Variants in DENND1B observed in about 807,000 individuals in gnomAD.
DENND1B encodes DENN domain containing 1B.
In DENND1B, 59 loss-of-function variants were observed where a neutral mutation model predicts 90.1. The observed-to-expected ratio is 0.65, with a 90% CI of 0.53 to 0.81. The LOEUF is 0.81. Among genes scored for constraint, DENND1B ranks in the 40% least tolerant of loss-of-function variants. The pLI is 0.00. For missense variants in DENND1B, 862 were observed against 912.6 expected, an observed-to-expected ratio of 0.94 and a Z score of 0.71; for synonymous variants, 337 against 324.6, an observed-to-expected ratio of 1.04 and a Z score of -0.41.
At chr1:197,672,411 A>G (rs919083169) in intron 4 of DENND1B, among the ~76,000 whole-genome samples, 2 of 152,110 alleles carry the variant, frequency 1.3e-5, no homozygotes, top group African/African-American at 2.4e-5. Flanking sequence ...AAGGTAGTCT[A>G]CCATAAATGA....
At chr1:197,545,855 T>G (rs1571824059) in intron 18 of DENND1B, 67 bp downstream of exon 18, 1 of 1,299,220 alleles carries the variant, frequency 7.7e-7, no homozygotes, top group Non-Finnish European at 1.1e-6. Flanking sequence ...AGAATTTATA[T>G]GTCTATCACC....
At chr1:197,542,917 T>A (rs960523546) in intron 18 of DENND1B, among the ~76,000 whole-genome samples, 8 of 148,124 alleles carry the variant, frequency 5.4e-5, no homozygotes, top group Admixed American at 6.7e-5. Flanking sequence ...TAGAAACCTT[T>A]TTTATTTATT....
At chr1:197,689,220 G>A (rs1011453053) in intron 3 of DENND1B, 3 of 152,070 alleles carry the variant, frequency 2.0e-5, no homozygotes, top group African/African-American at 7.3e-5. Flanking sequence ...GGCGAGGGAG[G>A]AACAAAGTCA....
rs535851577 is a variant in DENND1B, at chr1:197,646,382, T to C, written c.508-639A>G. Among the ~76,000 whole-genome samples the C allele has an allele frequency of 1.6e-3, 248 of 152,088 alleles. 1 individual carries two copies. Among genetic ancestry groups the C allele is most frequent in the African/African-American group, 5.8e-3 (242 of 41,566 alleles). ...AAATATTAATTAGCTTCTATAATGT[T>C]CAAAGAAGTAAAACAGTTCATCAGA... On this transcript the variant is annotated intron_variant, in intron 8 of 22. Transcript: ENST00000620048.
chr1:197,767,638 T>A (rs1448829988), intron 2 of DENND1B, among the ~76,000 whole-genome samples: 2 of 152,146 alleles, frequency 1.3e-5, no homozygotes, highest in South Asian at 4.1e-4. Context: ...AAAACTACTA[T>A]TAAATAGCCA....
chr1:197,540,200 G>T (rs1250135723), intron 19 of DENND1B, 129 bp from the exon 20 acceptor site: 2 of 426,876 alleles, frequency 4.7e-6, no homozygotes, highest in Non-Finnish European at 8.0e-6. Context: ...TAAGTGTAAA[G>T]AATCTATTTA....
intron 3 of DENND1B, chr1:197,690,073 T>C (rs1657700693): frequency 1.1e-5 from 2 of 186,372 alleles, no homozygotes; most frequent in South Asian, 2.4e-4. Flanking sequence ...ACTGCTATTC[T>C]CAAACCCAGC....
At chr1:197,583,498 T>C (rs1002805263) in intron 14 of DENND1B, among the ~76,000 whole-genome samples, 1 of 152,216 alleles carries the variant, frequency 6.6e-6, no homozygotes, top group African/African-American at 2.4e-5. Context: ...CAAGTAAAAG[T>C]AAATCCCCTA....
rs1436809118 is a variant in DENND1B, at chr1:197,507,003, CATA to C, written c.*3454_*3456del. The C allele has an allele frequency of 1.3e-5, 2 of 151,040 alleles. No homozygotes were observed. The highest frequency in any genetic ancestry group is 2.1e-4 in the South Asian group (1 of 4,808). 9.4% of individuals were successfully genotyped at this position (151,040 alleles called of 1,614,324 possible). A position where few individuals can be genotyped will look rare whatever the true frequency, so the allele number is the denominator to read the frequency against. On this transcript the variant is annotated 3_prime_UTR_variant, in exon 23 of 23. Coordinates refer to ENST00000620048, the MANE Select transcript of DENND1B (RefSeq NM_001195215.2). Reference sequence around the variant, plus strand: ...TATCTTAGCAGCATAATATACTTAGCATAATAATTGAGAAAGTTAATGAAATTA... The same window carrying C: ...TATCTTAGCAGCATAATATACTTAGCATAATTGAGAAAGTTAATGAAATTA...
intron 5 of DENND1B, among the ~76,000 whole-genome samples, chr1:197,659,324 T>C (rs1479952537): frequency 2.6e-5 from 4 of 151,904 alleles, no homozygotes; most frequent in African/African-American, 7.2e-5. Flanking sequence ...TAATGTCTGA[T>C]TTGTTAGTGA....
chr1:197,523,747 C>A (rs964895119), intron 20 of DENND1B, among the ~76,000 whole-genome samples: 1 of 152,152 alleles, frequency 6.6e-6, no homozygotes, highest in Non-Finnish European at 1.5e-5. Flanking sequence ...ATACAAACAG[C>A]ATGATAGAAG....
chr1:197,683,187 T>A (rs1482425594), intron 3 of DENND1B, among the ~76,000 whole-genome samples: 2 of 152,174 alleles, frequency 1.3e-5, no homozygotes, highest in Admixed American at 6.5e-5. Context: ...TCAAAACTAA[T>A]CTCATTGTAT....
intron 11 of DENND1B, among the ~76,000 whole-genome samples, chr1:197,615,013 A>T (rs1215166625): frequency 1.3e-5 from 2 of 151,000 alleles, no homozygotes; most frequent in Admixed American, 1.3e-4. Context: ...ATTTCCTCCC[A>T]GGCACCTTCC....
intron 2 of DENND1B, among the ~76,000 whole-genome samples, chr1:197,748,371 T>G (rs529925973): frequency 6.6e-6 from 1 of 152,282 alleles, no homozygotes; most frequent in South Asian, 2.1e-4. Flanking sequence ...AGTTATGCAG[T>G]AGGCAGAACA....
At chr1:197,518,260 TTTCA>T (rs1171146465) in intron 20 of DENND1B, among the ~76,000 whole-genome samples, 2 of 151,970 alleles carry the variant, frequency 1.3e-5, no homozygotes, top group African/African-American at 4.8e-5. Context: ...GCTCTGCATC[TTTCA>T]TTGTCTTCAA....
intron 20 of DENND1B, among the ~76,000 whole-genome samples, chr1:197,517,986 T>C (rs1668519768): frequency 6.6e-6 from 1 of 151,844 alleles, no homozygotes; most frequent in African/African-American, 2.4e-5. Context: ...AGTTTATCTT[T>C]CCAGGAAACA....
rs1572106486 is a variant in DENND1B at position 197,625,603 on chromosome 1, C to A, written c.673-7844G>T. Among the ~76,000 whole-genome samples, 4 of 152,158 alleles carry A rather than the reference C, an allele frequency of 2.6e-5. No homozygotes were observed. The South Asian group carries it at 8.3e-4, about 32-fold the overall frequency. The stretch of plus-strand genomic sequence containing the variant: ...CATCGAGGCTAGGAAGAAACTGCAT[C>A]AACTAACGAGCAAAATCACCAGCTA... On this transcript the variant is annotated intron_variant, in intron 10 of 22. Transcript: ENST00000620048.
intron 15 of DENND1B, among the ~76,000 whole-genome samples, chr1:197,577,789 C>T (rs1673817560): frequency 1.3e-5 from 2 of 152,094 alleles, no homozygotes; most frequent in African/African-American, 4.8e-5. Context: ...ATGGAACCCA[C>T]TATCATCCAT....
intron 3 of DENND1B, 86 bp from the exon 4 acceptor site, chr1:197,674,255 G>C (rs1572275809): frequency 1.8e-5 from 17 of 950,844 alleles, no homozygotes; most frequent in Non-Finnish European, 3.2e-6. Flanking sequence ...CATTTTCTAG[G>C]AGAAAAAGAT....
Sources: allele counts gnomAD v4.1 joint callset (sites outside exome capture counted in the v4.1 genomes callset), GRCh38; gene constraint gnomAD v4.1.1; transcripts MANE v1.5; gene names NCBI Gene and HGNC (gene_info 2026-07-23, HGNC 2026-07-21).